Variants in EPHA3 observed in about 807,000 individuals in gnomAD.
EPHA3 encodes EPH receptor A3.
Under a neutral mutation model 107.1 loss-of-function variants are expected in EPHA3, and 42 were observed. The ratio of observed to expected loss-of-function variants is 0.39; its 90% CI spans 0.31 to 0.51. EPHA3 has a LOEUF of 0.51. Ranked by LOEUF, EPHA3 falls within the 20% of genes least tolerant of loss-of-function variation. The probability of loss-of-function intolerance (pLI) is 0.78; values close to 1 mark genes in which losing one functional copy is unlikely to be tolerated. For missense variants in EPHA3, 1,183 were observed against 1,211.2 expected (o/e 0.98, Z 0.35); for synonymous variants, 461 against 424.8 (o/e 1.09, Z -1.05).
intron 2 of EPHA3, among the ~76,000 whole-genome samples, chr3:89,155,825 A>G (rs1576190059): frequency 6.6e-6 from 1 of 152,024 alleles, no homozygotes; most frequent in South Asian, 2.1e-4. Flanking sequence ...TCATCTTTGA[A>G]AACATTGAAC....
chr3:89,419,250 A>G lies in EPHA3; in HGVS notation c.1934A>G (p.Lys645Arg). 1 of 1,610,206 alleles carries G rather than the reference A, an allele frequency of 6.2e-7. No homozygotes were observed. Among genetic ancestry groups the G allele is most frequent in the Non-Finnish European group, 8.5e-7 (1 of 1,177,582 alleles). Reference protein sequence around the residue: ...VCSGRLKLPSKKEISVAIKTL... With the variant: ...VCSGRLKLPSRKEISVAIKTL... ...AGTGGTCGCTTAAAACTTCCTTCAA[A>G]AAAAGAGATTTCAGTGGCCATTAAG... The change falls in exon 11 of 17, where the codon AAA becomes AGA. Residue 645 changes from lysine to arginine, a missense_variant. Transcript: ENST00000336596.
chr3:89,438,215 T>A (rs1709711998), intron 13 of EPHA3, among the ~76,000 whole-genome samples: 1 of 151,986 alleles, frequency 6.6e-6, no homozygotes, highest in South Asian at 2.1e-4. Flanking sequence ...TTCACGCCAT[T>A]CTCCTGCCTC....
intron 14 of EPHA3, 85 bp from the exon 15 acceptor site, chr3:89,450,092 T>A: frequency 8.7e-7 from 1 of 1,145,636 alleles, no homozygotes; most frequent in Non-Finnish European, 1.2e-6. Flanking sequence ...AATAAGCATA[T>A]TTGTGAGCCC....
chr3:89,115,176 T>C (rs778917236), intron 1 of EPHA3, among the ~76,000 whole-genome samples: 13 of 152,136 alleles, frequency 8.5e-5, no homozygotes, highest in Non-Finnish European at 1.6e-4. Flanking sequence ...TCTAACCCTA[T>C]CCCTTTACTA....
chr3:89,402,163 TTACCACAGATATTGCTGTGG>T (rs1708976494), intron 7 of EPHA3, among the ~76,000 whole-genome samples: 1 of 152,220 alleles, frequency 6.6e-6, no homozygotes, highest in Non-Finnish European at 1.5e-5. Context: ...AATTCCAGAT[TTACCACAGATATTGCTGTGG>T]TAGCATTTAT....
intron 5 of EPHA3, among the ~76,000 whole-genome samples, chr3:89,390,741 G>C (rs1190707036): frequency 2.0e-5 from 3 of 151,464 alleles, no homozygotes; most frequent in Non-Finnish European, 2.9e-5. Context: ...GTCAACCCTT[G>C]GTTTCCAGAA....
intron 2 of EPHA3, among the ~76,000 whole-genome samples, chr3:89,164,833 C>T (rs1002666226): frequency 2.6e-5 from 4 of 152,064 alleles, no homozygotes; most frequent in African/African-American, 9.7e-5. Flanking sequence ...ATCTCAGGGA[C>T]TAGAAGAGAG....
intron 6 of EPHA3, 30 bp from the exon 7 acceptor site, chr3:89,399,288 T>C: frequency 6.3e-7 from 1 of 1,581,040 alleles, no homozygotes; most frequent in Non-Finnish European, 8.6e-7. Context: ...GATTTGATTT[T>C]AACATGAATT....
intron 3 of EPHA3, among the ~76,000 whole-genome samples, chr3:89,222,866 A>G (rs1704414033): frequency 6.6e-6 from 1 of 152,204 alleles, no homozygotes; most frequent in South Asian, 2.1e-4. Flanking sequence ...AATGAATGTG[A>G]CTTAAAGTTG....
chr3:89,217,918 G>A (rs1329243349), intron 3 of EPHA3, among the ~76,000 whole-genome samples: 2 of 152,082 alleles, frequency 1.3e-5, no homozygotes, highest in Non-Finnish European at 2.9e-5. Flanking sequence ...TAATTGGTAA[G>A]GAACATTTTT....
rs1256075779 is a variant in EPHA3, at chr3:89,351,160, C to G, written c.1306+9070C>G. Among the ~76,000 whole-genome samples the G allele has an allele frequency of 2.0e-5, 3 of 151,362 alleles. No homozygotes were observed. The East Asian group carries it at 5.8e-4, about 29-fold the overall frequency. On this transcript the variant is annotated intron_variant, in intron 5 of 16. Transcript: ENST00000336596. ...TGGGCTCCACCCAGTTCGAGCTTCC[C>G]CGCTGCTTTGTTTACCTAAGCAAGC...
Position 89,480,060 on chromosome 3 carries a change from T to G in EPHA3, c.*558T>G, listed in dbSNP as rs1710594050. On this transcript the variant is annotated 3_prime_UTR_variant, in exon 17 of 17. Coordinates refer to ENST00000336596, the MANE Select transcript of EPHA3 (RefSeq NM_005233.6). ...AGATGAAGTTTGTAGTTGTTTTAAG[T>G]ACTACACATTTTTAAATTGTTAGCT... The G allele has an allele frequency of 4.3e-6, 1 of 232,762 alleles. No individual in the cohort carries two copies. The allele number at this position is 232,762 out of a possible 1,614,324, so 14.4% of individuals were successfully genotyped here. A position where few individuals can be genotyped will look rare whatever the true frequency, so the allele number is the denominator to read the frequency against.
chr3:89,316,477 ATGTGTGTG>A (rs59376338), intron 3 of EPHA3, among the ~76,000 whole-genome samples: 2 of 130,756 alleles, frequency 1.5e-5, no homozygotes, highest in African/African-American at 5.9e-5. Flanking sequence ...CTGTATATAT[ATGTGTGTG>A]TGTGTGTGTG....
In EPHA3 at chr3:89,269,020, G is replaced by A. The variant is rs116273776; in HGVS notation, c.814+58500G>A. Among the ~76,000 whole-genome samples the A allele has an allele frequency of 4.4e-3, 673 of 151,844 alleles. 6 individuals carry two copies. Among genetic ancestry groups the A allele is most frequent in the African/African-American group, 0.015 (620 of 41,448 alleles). ...TTAGTTAGAATTTTAAAAGTAATAT[G>A]GTATTATGGCATTACTACTTTTACT... On this transcript the variant is annotated intron_variant, in intron 3 of 16. Coordinates refer to ENST00000336596, the MANE Select transcript of EPHA3 (RefSeq NM_005233.6).
intron 3 of EPHA3, among the ~76,000 whole-genome samples, chr3:89,216,230 T>G (rs1467910301): frequency 1.3e-5 from 2 of 151,900 alleles, no homozygotes; most frequent in Non-Finnish European, 2.9e-5. Flanking sequence ...CAGAAAATAA[T>G]TTTGGTTGCA....
At chr3:89,407,504 G>T in intron 8 of EPHA3, 133 bp downstream of exon 8, 1 of 686,412 alleles carries the variant, frequency 1.5e-6, no homozygotes, top group Non-Finnish European at 2.4e-6. Flanking sequence ...TGTAGTTTAG[G>T]TCCTCTCTTT....
intron 5 of EPHA3, among the ~76,000 whole-genome samples, chr3:89,391,628 T>C (rs1490884699): frequency 2.0e-5 from 3 of 151,012 alleles, no homozygotes; most frequent in Admixed American, 1.3e-4. Flanking sequence ...AGAGATGGGG[T>C]TTCACCGTGT....
intron 2 of EPHA3, among the ~76,000 whole-genome samples, chr3:89,170,109 G>T (rs1705177825): frequency 1.3e-5 from 2 of 152,030 alleles, no homozygotes; most frequent in Non-Finnish European, 2.9e-5. Flanking sequence ...AAATTAGCCG[G>T]GCGTGGTGGT....
chr3:89,325,318 CTTAT>C (rs1198762989), intron 3 of EPHA3, among the ~76,000 whole-genome samples: 1 of 152,084 alleles, frequency 6.6e-6, no homozygotes, highest in Non-Finnish European at 1.5e-5. Context: ...CTTATGATTT[CTTAT>C]TTAGATTATT....
Sources: allele counts gnomAD v4.1 joint callset (sites outside exome capture counted in the v4.1 genomes callset), GRCh38; gene constraint gnomAD v4.1.1; transcripts MANE v1.5; gene names NCBI Gene and HGNC (gene_info 2026-07-23, HGNC 2026-07-21).